The following ASB18 variants were observed in gnomAD, a reference collection of about 807,000 sequenced individuals.
ASB18 encodes ankyrin repeat and SOCS box containing 18, also known as ankyrin repeat and SOCS box protein 18.
In ASB18, 33 loss-of-function variants were observed where a neutral mutation model predicts 33.4. The ratio of observed to expected loss-of-function variants is 0.99; its 90% CI spans 0.75 to 1.32. ASB18 has a LOEUF of 1.32. ASB18 is among the 40% of genes most tolerant of loss of function. The probability of loss-of-function intolerance (pLI) is 0.00; values close to 1 mark genes in which losing one functional copy is unlikely to be tolerated. For missense variants in ASB18, 694 were observed against 655.5 expected (o/e 1.06, Z -0.64); for synonymous variants, 295 against 307.6 (o/e 0.96, Z 0.43).
chr2:236,214,067 T>A lies in ASB18; in HGVS notation c.1101+295A>T, dbSNP rs1195916862. 2 of 406,318 alleles carry A rather than the reference T, an allele frequency of 4.9e-6. No individual in the cohort carries two copies. The highest frequency in any genetic ancestry group is 8.7e-6 in the Non-Finnish European group (2 of 229,168). 25.2% of individuals were successfully genotyped at this position (406,318 alleles called of 1,614,324 possible). On this transcript the variant is annotated intron_variant, in intron 4 of 5. Coordinates refer to ENST00000409749, the MANE Select transcript of ASB18 (RefSeq NM_212556.4). The surrounding 1 kb of genome is among the most constrained non-coding windows in gnomAD (Gnocchi z 6.5). ...TCCCCAGGTGACTACTTTGAAAGGA[T>A]GCATTCTTCACATGCAACCCCTTAA...
At position 236,264,295 on chromosome 2, in the gene ASB18, C is replaced by T; in HGVS notation, c.51G>A (p.Val17=). Residue 17 remains valine (V), a synonymous_variant, in exon 1 of 6, where the codon GTG becomes GTA. Transcript: ENST00000409749. This position sits in a 1 kb window ranked among gnomAD's most constrained non-coding sequence, Gnocchi z 5.1. ...LPDYPLNSDL[V]KRLKSALDAK... ...CATCCAGGGCAGACTTTAATCTCTTCACTAAATCTGAGTTGAGTGGGTAGT... is the reference window on the plus strand; with the variant it reads ...CATCCAGGGCAGACTTTAATCTCTTTACTAAATCTGAGTTGAGTGGGTAGT... 3 of 1,614,024 alleles carry T rather than the reference C, an allele frequency of 1.9e-6. No individual in the cohort carries two copies. The highest frequency in any genetic ancestry group is 2.5e-6 in the Non-Finnish European group (3 of 1,179,902).
chr2:236,262,179 G>T lies in ASB18; in HGVS notation c.205+1962C>A, dbSNP rs2060721949. The stretch of plus-strand genomic sequence containing the variant: ...GTAATGTGAAAAGAAAGGATATTTA[G>T]GTTCAGGATTCCCAATACACAAATC... On this transcript the variant is annotated intron_variant, in intron 1 of 5. Transcript: ENST00000409749. This position sits in a 1 kb window ranked among gnomAD's most constrained non-coding sequence, Gnocchi z 5.2. 6.6e-6 allele frequency among the ~76,000 whole-genome samples: 1 copy of T among 152,250 alleles called. No individual in the cohort carries two copies. Among genetic ancestry groups the T allele is most frequent in the South Asian group, 2.1e-4 (1 of 4,836 alleles).
In ASB18 at chr2:236,251,645, T is replaced by C. The variant is rs2060669507; in HGVS notation, c.206-10243A>G. On this transcript the variant is annotated intron_variant, in intron 1 of 5. Coordinates refer to ENST00000409749, the MANE Select transcript of ASB18 (RefSeq NM_212556.4). The surrounding 1 kb of genome is among the most constrained non-coding windows in gnomAD (Gnocchi z 5.3). ...GCATCCAGCAAAGTGAGGCCAGTTT[T>C]GTCTGATGGAGTTAAATTCCAGAAT... 6.6e-6 allele frequency among the ~76,000 whole-genome samples: 1 copy of C among 152,214 alleles called. No individual in the cohort carries two copies. The highest frequency in any genetic ancestry group is 1.5e-5 in the Non-Finnish European group (1 of 68,032).
rs995816337 is a variant in ASB18, at chr2:236,228,280, A to C, written c.596+9409T>G. On this transcript the variant is annotated intron_variant, in intron 3 of 5. Coordinates refer to ENST00000409749, the MANE Select transcript of ASB18 (RefSeq NM_212556.4). This position sits in a 1 kb window ranked among gnomAD's most constrained non-coding sequence, Gnocchi z 5.1. ...ATGATTGGCAGTATTGGATTTCTCAACCTCCCAAAGGGCCTCTGGGCTCTC... is the reference window on the plus strand; with the variant it reads ...ATGATTGGCAGTATTGGATTTCTCACCCTCCCAAAGGGCCTCTGGGCTCTC... Among the ~76,000 whole-genome samples, 17 of 152,168 alleles carry C rather than the reference A, an allele frequency of 1.1e-4. No individual in the cohort carries two copies. The highest frequency in any genetic ancestry group is 4.1e-4 in the African/African-American group (17 of 41,510).
At chr2:236,202,029 A>C (rs2060405734) in intron 4 of ASB18, among the ~76,000 whole-genome samples, 1 of 151,798 alleles carries the variant, frequency 6.6e-6, no homozygotes, top group Non-Finnish European at 1.5e-5. Context: ...GGCTCACTGC[A>C]ACCTCCATCT....
In ASB18 at chr2:236,263,544, A is replaced by T. The variant is rs1227122888; in HGVS notation, c.205+597T>A. Among the ~76,000 whole-genome samples, 1 of 152,226 alleles carries T rather than the reference A, an allele frequency of 6.6e-6. No individual in the cohort carries two copies. The highest frequency in any genetic ancestry group is 1.5e-5 in the Non-Finnish European group (1 of 68,050). On this transcript the variant is annotated intron_variant, in intron 1 of 5. Transcript: ENST00000409749. This position sits in a 1 kb window ranked among gnomAD's most constrained non-coding sequence, Gnocchi z 4.0. The stretch of plus-strand genomic sequence containing the variant: ...AACAATTTGGAACCAATTTAGAAAC[A>T]ATACAATTTGAAAAAATGTTATGTT...
At chr2:236,254,005 T>G (rs1441004279) in intron 1 of ASB18, 1 of 152,138 alleles carries the variant, frequency 6.6e-6, no homozygotes, top group Non-Finnish European at 1.5e-5. Context: ...TTAAACTGTG[T>G]TTTGGTGACA....
In ASB18 at chr2:236,225,721, A is replaced by T. The variant is rs1349974747; in HGVS notation, c.597-10855T>A. Among the ~76,000 whole-genome samples, 3 of 152,116 alleles carry T rather than the reference A, an allele frequency of 2.0e-5. No individual in the cohort carries two copies. Among genetic ancestry groups the T allele is most frequent in the African/African-American group, 7.2e-5 (3 of 41,414 alleles). On this transcript the variant is annotated intron_variant, in intron 3 of 5. Transcript: ENST00000409749. This position sits in a 1 kb window ranked among gnomAD's most constrained non-coding sequence, Gnocchi z 5.1. ...GAAAATCTCTTCAAAAGGCTCCTAG[A>T]TTAAAGCTCTGATATCCCTTTCAGT...
chr2:236,197,479 G>A (rs1297966095), intron 4 of ASB18, among the ~76,000 whole-genome samples: 1 of 152,186 alleles, frequency 6.6e-6, no homozygotes. Context: ...ATCCCTGTGG[G>A]ATTTGTGGAC....
At position 236,261,221 on chromosome 2, in the gene ASB18, G is replaced by T. The variant is rs1184375376; in HGVS notation, c.205+2920C>A. 3.3e-5 allele frequency among the ~76,000 whole-genome samples: 5 copies of T among 152,146 alleles called. No homozygotes were observed. The East Asian group carries it at 9.6e-4, about 29-fold the overall frequency. On this transcript the variant is annotated intron_variant, in intron 1 of 5. Coordinates refer to ENST00000409749, the MANE Select transcript of ASB18 (RefSeq NM_212556.4). ...AAAGAGGTGGTGTGACATGTGCAAG[G>T]TCACACAGGTCATGGGAGAGCTTAG...
rs893094413 is a variant in ASB18, at chr2:236,250,751, A to G, written c.206-9349T>C. On this transcript the variant is annotated intron_variant, in intron 1 of 5. Transcript: ENST00000409749. The surrounding 1 kb of genome is among the most constrained non-coding windows in gnomAD (Gnocchi z 4.1). ...ACCCCACTTCCTGCAGAATTAAAAA[A>G]ATATATTTTAAAAGTAAGAAGCTGG... 10 of 152,200 alleles carry G rather than the reference A, an allele frequency of 6.6e-5. No homozygotes were observed. The highest frequency in any genetic ancestry group is 1.5e-4 in the Non-Finnish European group (10 of 68,034). The allele number at this position is 152,200 out of a possible 1,614,324, so 9.4% of individuals were successfully genotyped here. A position where few individuals can be genotyped will look rare whatever the true frequency, so the allele number is the denominator to read the frequency against.
In ASB18 at chr2:236,237,652, C is replaced by T. The variant is rs1024490574; in HGVS notation, c.596+37G>A. The stretch of plus-strand genomic sequence containing the variant: ...GGGAGGCGGGCGTCTGGTCTCGGGG[C>T]GGGGCGGACGCCGCGGGCCTGTCCC... On this transcript the variant is annotated intron_variant, in intron 3 of 5. Transcript: ENST00000409749. The surrounding 1 kb of genome is among the most constrained non-coding windows in gnomAD (Gnocchi z 6.2). 3.8e-6 allele frequency: 5 copies of T among 1,299,094 alleles called. No homozygotes were observed. In the South Asian group the frequency reaches 5.6e-5, roughly 15 times the overall value. 80.5% of individuals were successfully genotyped at this position (1,299,094 alleles called of 1,614,324 possible).
chr2:236,207,933 G>A (rs1056479694), intron 4 of ASB18, among the ~76,000 whole-genome samples: 1 of 151,478 alleles, frequency 6.6e-6, no homozygotes, highest in Non-Finnish European at 1.5e-5. Flanking sequence ...TTGCCTTGTT[G>A]CTGTGGATTT....
At chr2:236,258,466 ACAC>A (rs2060703400) in intron 1 of ASB18, among the ~76,000 whole-genome samples, 2 of 152,268 alleles carry the variant, frequency 1.3e-5, no homozygotes, top group East Asian at 3.9e-4. Context: ...CCTTCCCATT[ACAC>A]CACATCTTGG....
At position 236,217,281 on chromosome 2, in the gene ASB18, C is replaced by T. The variant is rs1357508475; in HGVS notation, c.597-2415G>A. Among the ~76,000 whole-genome samples, 1 of 151,980 alleles carries T rather than the reference C, an allele frequency of 6.6e-6. No homozygotes were observed. The highest frequency in any genetic ancestry group is 1.5e-5 in the Non-Finnish European group (1 of 68,018). Reference sequence around the variant, plus strand: ...AATTAGCCGGGCATAGTGGTGGATGCATGTAATCCCAGCCACTCGGGAGGC... The same window carrying T: ...AATTAGCCGGGCATAGTGGTGGATGTATGTAATCCCAGCCACTCGGGAGGC... On this transcript the variant is annotated intron_variant, in intron 3 of 5. Coordinates refer to ENST00000409749, the MANE Select transcript of ASB18 (RefSeq NM_212556.4). This position sits in a 1 kb window ranked among gnomAD's most constrained non-coding sequence, Gnocchi z 5.2.
Position 236,217,148 on chromosome 2 carries a change from C to T in ASB18, c.597-2282G>A, listed in dbSNP as rs566746694. ...TTGGGCCAGGCGCGGTGGCTCATGC[C>T]GGTAATCCCAGCACTTTGGGAGTCT... On this transcript the variant is annotated intron_variant, in intron 3 of 5. Transcript: ENST00000409749. This position sits in a 1 kb window ranked among gnomAD's most constrained non-coding sequence, Gnocchi z 5.2. Among the ~76,000 whole-genome samples, 39 of 152,244 alleles carry T rather than the reference C, an allele frequency of 2.6e-4. No homozygotes were observed. The highest frequency in any genetic ancestry group is 8.9e-4 in the African/African-American group (37 of 41,546).
Position 236,262,325 on chromosome 2 carries a change from C to T in ASB18, c.205+1816G>A, listed in dbSNP as rs949539510. On this transcript the variant is annotated intron_variant, in intron 1 of 5. Transcript: ENST00000409749. The surrounding 1 kb of genome is among the most constrained non-coding windows in gnomAD (Gnocchi z 5.2). The stretch of plus-strand genomic sequence containing the variant: ...GGCATGCTGAAGGCAGGCCGGGTTA[C>T]AGGGGCTACAGGAGACCACTTACAG... Among the ~76,000 whole-genome samples, 2 of 152,320 alleles carry T rather than the reference C, an allele frequency of 1.3e-5. No homozygotes were observed. The highest frequency in any genetic ancestry group is 6.5e-5 in the Admixed American group (1 of 15,300).
At position 236,202,812 on chromosome 2, in the gene ASB18, T is replaced by C. The variant is rs1202097429; in HGVS notation, c.1102-6427A>G. Among the ~76,000 whole-genome samples the C allele has an allele frequency of 6.7e-5, 8 of 119,894 alleles. 2 individuals carry two copies. Among genetic ancestry groups the C allele is most frequent in the South Asian group, 3.0e-4 (1 of 3,376 alleles). 78.7% of individuals were successfully genotyped at this position (119,894 alleles called of 152,430 possible). ...AAAAAAAAATATATATATATATATA[T>C]ATACACACACCTATAGTTCTCTAAA... On this transcript the variant is annotated intron_variant, in intron 4 of 5. Coordinates refer to ENST00000409749, the MANE Select transcript of ASB18 (RefSeq NM_212556.4).
intron 4 of ASB18, among the ~76,000 whole-genome samples, chr2:236,207,418 G>C (rs2060439855): frequency 6.6e-6 from 1 of 152,222 alleles, no homozygotes; most frequent in Non-Finnish European, 1.5e-5. Flanking sequence ...GTACTCCATA[G>C]AGGATGGCAC....
Sources: gnomAD v4.1 joint callset for allele counts (sites outside exome capture counted in the v4.1 genomes callset) on GRCh38, gnomAD v4.1.1 for gene constraint, Gnocchi (gnomAD v3.1) non-coding constraint, MANE v1.5 for transcripts, NCBI Gene and HGNC (gene_info 2026-07-23, HGNC 2026-07-21) for gene names.